The following ZNF334 variants were observed in gnomAD, a reference collection of about 807,000 sequenced individuals.
The protein encoded by ZNF334 is zinc finger protein 334.
In ZNF334, 14 loss-of-function variants were observed where a neutral mutation model predicts 12.4. The ratio of observed to expected loss-of-function variants is 1.13; its 90% CI spans 0.74 to 1.76. The LOEUF (loss-of-function observed/expected upper bound fraction) is 1.76. Ranked by LOEUF, ZNF334 falls within the 40% of genes most tolerant of loss-of-function variation. The probability of loss-of-function intolerance (pLI) is 0.00; values close to 1 mark genes in which losing one functional copy is unlikely to be tolerated. For synonymous variants in ZNF334, 273 were observed against 269.6 expected, an observed-to-expected ratio of 1.01 and a Z score of -0.12; for missense variants, 797 against 804.5, an observed-to-expected ratio of 0.99 and a Z score of 0.11.
chr20:46,496,989 A>C (rs188804991), downstream of ZNF334, among the ~76,000 whole-genome samples: 4 of 152,354 alleles, frequency 2.6e-5, no homozygotes, highest in Admixed American at 6.5e-5. Context: ...CCATGAGGAC[A>C]GTCACATAAC....
At chr20:46,484,982 A>T in the ZNF334 span, 2 of 167,090 alleles carry the variant, frequency 1.2e-5, no homozygotes, top group African/African-American at 4.8e-5. Context: ...CATGGTCAAG[A>T]TCATTTATTT....
the ZNF334 span, among the ~76,000 whole-genome samples, chr20:46,489,930 T>C: frequency 2.6e-5 from 4 of 152,314 alleles, no homozygotes; most frequent in African/African-American, 9.6e-5. Context: ...TACTATATTT[T>C]GTATGTATAT....
At chr20:46,479,921 C>T in the ZNF334 span, among the ~76,000 whole-genome samples, 16 of 152,328 alleles carry the variant, frequency 1.1e-4, no homozygotes, top group African/African-American at 3.8e-4. Flanking sequence ...CAAACAATTG[C>T]CAATCAGATA....
At chr20:46,471,017 G>C in the ZNF334 span, among the ~76,000 whole-genome samples, 2 of 152,132 alleles carry the variant, frequency 1.3e-5, no homozygotes, top group African/African-American at 4.8e-5. Context: ...TTCAATTTTA[G>C]TAGATAATGC....
In ZNF334 at chr20:46,501,507, TG is replaced by T; in HGVS notation, c.1831del (p.His611IlefsTer93). ...ECNECGKSFC[H>X]KSAFRVHRRI... ...TCTATGGACTCTGAAGGCTGACTTA[TG>T]GCAGAAGGATTTCCCACATTCATTA... is the stretch of plus-strand genomic sequence containing the variant. On this transcript the variant is annotated frameshift_variant, in exon 5 of 5. Coordinates refer to ENST00000692313, the MANE Select transcript of ZNF334 (RefSeq NM_001353824.2). LOFTEE classifies it low-confidence loss of function (END_TRUNC). 6.2e-7 allele frequency: 1 copy of T among 1,614,188 alleles called. No homozygotes were observed. Among genetic ancestry groups the T allele is most frequent in the Non-Finnish European group, 8.5e-7 (1 of 1,179,994 alleles).
In ZNF334 at chr20:46,505,987, GATGTA is replaced by G. The variant is rs749939310; in HGVS notation, c.22-1252_22-1248del. On this transcript the variant is annotated intron_variant, in intron 2 of 4. Transcript: ENST00000692313. The stretch of plus-strand genomic sequence containing the variant: ...GTTGACCACTACTTGATGTGCAGTA[GATGTA>G]ATGTGCATATTATTTCACATGATCA... The G allele has an allele frequency of 5.3e-4, 95 of 178,506 alleles. 1 individual carries two copies. The highest frequency in any genetic ancestry group is 1.6e-3 in the South Asian group (8 of 5,076). The allele number at this position is 178,506 out of a possible 1,614,324, so 11.1% of individuals were successfully genotyped here.
At chr20:46,462,313 T>A in the ZNF334 span, among the ~76,000 whole-genome samples, 1 of 152,182 alleles carries the variant, frequency 6.6e-6, no homozygotes, top group African/African-American at 2.4e-5. Flanking sequence ...AAAGGCAAAA[T>A]TTCCAATAGA....
At chr20:46,462,787 A>C in the ZNF334 span, among the ~76,000 whole-genome samples, 1 of 152,220 alleles carries the variant, frequency 6.6e-6, no homozygotes, top group East Asian at 1.9e-4. Flanking sequence ...CACTAAACCA[A>C]GTTTCTCTAC....
At position 46,501,526 on chromosome 20, in the gene ZNF334, A is replaced by C. The variant is rs368938609; in HGVS notation, c.1813T>G (p.Cys605Gly). The change falls in exon 5 of 5, where the codon TGT becomes GGT. Residue 605 changes from cysteine (C) to glycine (G), a missense_variant. Transcript: ENST00000692313. ...GACTTATGGCAGAAGGATTTCCCACATTCATTACATTCATATGGTTTCTCC... is the reference window on the plus strand; with the variant it reads ...GACTTATGGCAGAAGGATTTCCCACCTTCATTACATTCATATGGTTTCTCC... ...TGEKPYECNE[C>G]GKSFCHKSAF... 353 of 1,614,006 alleles carry C rather than the reference A, an allele frequency of 2.2e-4. No individual in the cohort carries two copies. The highest frequency in any genetic ancestry group is 2.9e-4 in the Non-Finnish European group (345 of 1,180,000).
the ZNF334 span, among the ~76,000 whole-genome samples, chr20:46,469,890 C>T: frequency 6.6e-6 from 1 of 152,056 alleles, no homozygotes; most frequent in Non-Finnish European, 1.5e-5. Flanking sequence ...CATCACACTA[C>T]AGTACCACAC....
chr20:46,504,163 A>G lies in ZNF334; in HGVS notation c.241+51T>C, dbSNP rs778812691. 5 of 1,316,198 alleles carry G rather than the reference A, an allele frequency of 3.8e-6. No individual in the cohort carries two copies. In the South Asian group the frequency reaches 4.0e-5, roughly 11 times the overall value. 81.5% of individuals were successfully genotyped at this position (1,316,198 alleles called of 1,614,324 possible). A position where few individuals can be genotyped will look rare whatever the true frequency, so the allele number is the denominator to read the frequency against. ...ATGCCAACTATTACCACCGACCACCATGGAACTCTCATTTCCATTGGTTCC... is the reference window on the plus strand; with the variant it reads ...ATGCCAACTATTACCACCGACCACCGTGGAACTCTCATTTCCATTGGTTCC... On this transcript the variant is annotated intron_variant, in intron 4 of 4. Coordinates refer to ENST00000692313, the MANE Select transcript of ZNF334 (RefSeq NM_001353824.2).
chr20:46,478,042 G>A, the ZNF334 span, among the ~76,000 whole-genome samples: 1 of 152,128 alleles, frequency 6.6e-6, no homozygotes, highest in Non-Finnish European at 1.5e-5. Context: ...ACATTCACAT[G>A]TGCTCTCTGG....
chr20:46,504,180 A>C (rs758485104), intron 4 of ZNF334, 34 bp downstream of exon 4: 1 of 1,451,990 alleles, frequency 6.9e-7, no homozygotes, highest in South Asian at 1.3e-5. Context: ...TCTCATTTCC[A>C]TTGGTTCCAC....
the ZNF334 span, among the ~76,000 whole-genome samples, chr20:46,471,528 T>C: frequency 6.6e-6 from 1 of 152,224 alleles, no homozygotes; most frequent in Non-Finnish European, 1.5e-5. Flanking sequence ...AGACACCTTT[T>C]CCTACTTCAA....
downstream of ZNF334, among the ~76,000 whole-genome samples, chr20:46,499,042 C>T (rs1375343364): frequency 6.0e-5 from 9 of 150,662 alleles, no homozygotes; most frequent in Non-Finnish European, 8.9e-5. Context: ...GGCGTAGTGG[C>T]GGGCGCCTGT....
Position 46,502,303 on chromosome 20 carries a change from C to G in ZNF334, c.1036G>C (p.Glu346Gln), listed in dbSNP as rs370644786. 1 of 1,614,020 alleles carries G rather than the reference C, an allele frequency of 6.2e-7. No individual in the cohort carries two copies. Among genetic ancestry groups the G allele is most frequent in the Non-Finnish European group, 8.5e-7 (1 of 1,180,038 alleles). ...CATTCCTTGCATTCGTAAGGCTTCT[C>G]CCCTGTGTGTGACCTGAAATGTTCA... ...LAEHFRSHTGEKPYECKECGN... is the reference protein window; with the variant it reads ...LAEHFRSHTGQKPYECKECGN... Residue 346 changes from glutamate (E) to glutamine (Q), a missense_variant, in exon 5 of 5, where the codon GAG (glutamate) becomes CAG (glutamine). Transcript: ENST00000692313.
At chr20:46,509,523 C>T (rs2061566012) in intron 2 of ZNF334, 1 of 701,568 alleles carries the variant, frequency 1.4e-6, no homozygotes, top group East Asian at 2.7e-5. Flanking sequence ...GCACATGGGA[C>T]ATCTCTGGGA....
rs1451762147 is a variant in ZNF334, at chr20:46,501,225, A to G, written c.*71T>C. On this transcript the variant is annotated 3_prime_UTR_variant, in exon 5 of 5. Coordinates refer to ENST00000692313, the MANE Select transcript of ZNF334 (RefSeq NM_001353824.2). ...TTTATAAGATTTTACTCCTCTATAC[A>G]TACTCACAGTTTAGCATTGTGTAAG... The G allele has an allele frequency of 1.3e-6, 2 of 1,541,390 alleles. No homozygotes were observed. The highest frequency in any genetic ancestry group is 2.8e-5 in the African/African-American group (2 of 72,450).
At position 46,501,498 on chromosome 20, in the gene ZNF334, G is replaced by T. The variant is rs774123739; in HGVS notation, c.1841C>A (p.Ala614Asp). Residue 614 changes from alanine to aspartate, a missense_variant, in exon 5 of 5, where the codon GCC becomes GAC. By Grantham distance (126) the Ala-to-Asp change is moderately radical (BLOSUM62 -2). Transcript: ENST00000692313. ...ECGKSFCHKSAFRVHRRIHTG... is the reference protein window; with the variant it reads ...ECGKSFCHKSDFRVHRRIHTG... ...GTGAATTCTTCTATGGACTCTGAAGGCTGACTTATGGCAGAAGGATTTCCC... is the reference window on the plus strand; with the variant it reads ...GTGAATTCTTCTATGGACTCTGAAGTCTGACTTATGGCAGAAGGATTTCCC... 6.2e-7 allele frequency: 1 copy of T among 1,614,080 alleles called. No homozygotes were observed. Among genetic ancestry groups the T allele is most frequent in the Admixed American group, 1.7e-5 (1 of 60,018 alleles).
Sources: gnomAD v4.1 joint callset for allele counts (sites outside exome capture counted in the v4.1 genomes callset) on GRCh38, gnomAD v4.1.1 for gene constraint, MANE v1.5 for transcripts, NCBI Gene and HGNC (gene_info 2026-07-23, HGNC 2026-07-21) for gene names.